Variants in REEP3 observed in about 807,000 individuals in gnomAD.
REEP3 encodes the protein receptor expression-enhancing protein 3.
REEP3 carries 20 observed loss-of-function variants against 41.3 expected under a neutral mutation model. The observed-to-expected ratio is 0.48, with a 90% confidence interval of 0.34 to 0.70. The LOEUF (loss-of-function observed/expected upper bound fraction) is 0.70. Ranked by LOEUF, REEP3 falls within the 30% of genes least tolerant of loss-of-function variation. REEP3 has a pLI of 0.01. For missense variants in REEP3, 271 were observed against 308.8 expected, an observed-to-expected ratio of 0.88 and a Z score of 0.92; for synonymous variants, 104 against 101.8, an observed-to-expected ratio of 1.02 and a Z score of -0.13.
chr10:63,600,387 T>G (rs1387118167), intron 5 of REEP3, among the ~76,000 whole-genome samples: 3 of 152,210 alleles, frequency 2.0e-5, no homozygotes, highest in Admixed American at 6.5e-5. Flanking sequence ...GCACTATACA[T>G]GTAAGATAAC....
chr10:63,532,653 C>CA (rs538797348), intron 1 of REEP3, among the ~76,000 whole-genome samples: 6,120 of 119,070 alleles, frequency 0.051, 324 homozygotes, highest in East Asian at 0.31. Flanking sequence ...GAGACTCCGT[C>CA]AAAAAAAAAA....
At chr10:63,547,428 T>C (rs1955589790) in intron 1 of REEP3, among the ~76,000 whole-genome samples, 1 of 152,012 alleles carries the variant, frequency 6.6e-6, no homozygotes, top group African/African-American at 2.4e-5. Context: ...ATTCAAAATA[T>C]ACAAAGAAAA....
chr10:63,580,465 A>T (rs531252764), intron 2 of REEP3, among the ~76,000 whole-genome samples: 9 of 152,178 alleles, frequency 5.9e-5, no homozygotes, highest in Non-Finnish European at 1.2e-4. Flanking sequence ...TATTTTGAAA[A>T]GGAAGGAAGA....
intron 6 of REEP3, 43 bp from the exon 7 acceptor site, chr10:63,619,612 G>A (rs1006485841): frequency 1.3e-6 from 2 of 1,560,922 alleles, no homozygotes; most frequent in African/African-American, 2.7e-5. Context: ...GCGCTGACTG[G>A]TGTCCTTTTA....
Position 63,610,256 on chromosome 10 carries a change from G to A in REEP3, c.487G>A (p.Glu163Lys), listed in dbSNP as rs1956267297. The change falls in exon 6 of 8, where the codon GAG becomes AAG. Residue 163 changes from glutamate (E) to lysine (K), a missense_variant. By Grantham distance (56) the Glu-to-Lys change is moderately conservative (BLOSUM62 1). Coordinates refer to ENST00000373758, the MANE Select transcript of REEP3 (RefSeq NM_001001330.3). ...MHDLTTIQGDEPVGQRPYQPL... is the reference protein window; with the variant it reads ...MHDLTTIQGDKPVGQRPYQPL... The stretch of plus-strand genomic sequence containing the variant: ...TGATTTAACAACTATCCAAGGTGAT[G>A]AGCCTGTGGGACAAAGACCATACCA... The A allele has an allele frequency of 3.1e-6, 5 of 1,596,936 alleles. No individual in the cohort carries two copies. The highest frequency in any genetic ancestry group is 4.3e-6 in the Non-Finnish European group (5 of 1,170,598).
chr10:63,599,410 A>G (rs910431798), intron 5 of REEP3, 127 bp downstream of exon 5: 2 of 458,026 alleles, frequency 4.4e-6, no homozygotes, highest in Non-Finnish European at 7.4e-6. Flanking sequence ...CTGGAAAACA[A>G]GTAAATAATT....
chr10:63,620,552 T>C (rs1956345856), intron 7 of REEP3, among the ~76,000 whole-genome samples: 1 of 151,148 alleles, frequency 6.6e-6, no homozygotes, highest in Admixed American at 6.6e-5. Flanking sequence ...TCAATGTTCA[T>C]TGACATTGTA....
At chr10:63,611,176 G>A (rs557279344) in intron 6 of REEP3, among the ~76,000 whole-genome samples, 7 of 152,148 alleles carry the variant, frequency 4.6e-5, no homozygotes, top group Non-Finnish European at 1.0e-4. Flanking sequence ...TGTAGGTGTG[G>A]TTACCAACAC....
intron 1 of REEP3, among the ~76,000 whole-genome samples, chr10:63,522,771 T>C (rs778034586): frequency 1.3e-5 from 2 of 152,236 alleles, no homozygotes; most frequent in African/African-American, 2.4e-5. Context: ...TTTCATTTGA[T>C]TAAATCGCAA....
intron 1 of REEP3, among the ~76,000 whole-genome samples, chr10:63,527,589 G>T (rs1955377968): frequency 6.6e-6 from 1 of 152,134 alleles, no homozygotes; most frequent in East Asian, 1.9e-4. Context: ...GCTGAAGTGG[G>T]AGAATCACTT....
intron 6 of REEP3, among the ~76,000 whole-genome samples, chr10:63,612,674 C>A (rs1338984544): frequency 2.0e-5 from 3 of 151,836 alleles, no homozygotes; most frequent in African/African-American, 4.8e-5. Context: ...GCCTGCATTC[C>A]CAGCTACCCA....
At chr10:63,538,237 A>G (rs576214390) in intron 1 of REEP3, among the ~76,000 whole-genome samples, 1 of 152,308 alleles carries the variant, frequency 6.6e-6, no homozygotes, top group South Asian at 2.1e-4. Flanking sequence ...ACATTGCTTG[A>G]AACTCCCTAA....
intron 2 of REEP3, among the ~76,000 whole-genome samples, chr10:63,582,163 A>G (rs1955960945): frequency 6.6e-6 from 1 of 152,242 alleles, no homozygotes; most frequent in Admixed American, 6.5e-5. Context: ...CTGATTTAAT[A>G]GTTCTGGCCT....
chr10:63,590,014 G>A (rs1589878832), intron 2 of REEP3, among the ~76,000 whole-genome samples: 1 of 151,668 alleles, frequency 6.6e-6, no homozygotes, highest in South Asian at 2.1e-4. Context: ...AGGCTGGTCT[G>A]GAACTCCTGA....
chr10:63,528,699 C>T (rs946161292), intron 1 of REEP3, among the ~76,000 whole-genome samples: 1 of 152,126 alleles, frequency 6.6e-6, no homozygotes, highest in Non-Finnish European at 1.5e-5. Context: ...TCTACCTGCC[C>T]GCTGCCATTA....
chr10:63,575,296 A>G (rs1453275492), intron 2 of REEP3, among the ~76,000 whole-genome samples: 1 of 152,124 alleles, frequency 6.6e-6, no homozygotes, highest in East Asian at 1.9e-4. Flanking sequence ...TTTTCTCCCC[A>G]TTCAGGAAGC....
At chr10:63,539,895 A>G (rs1955513147) in intron 1 of REEP3, among the ~76,000 whole-genome samples, 1 of 152,202 alleles carries the variant, frequency 6.6e-6, no homozygotes, top group Non-Finnish European at 1.5e-5. Flanking sequence ...AGAGGATATG[A>G]GAGAAAACCT....
At chr10:63,566,872 A>C (rs1360223292) in intron 2 of REEP3, among the ~76,000 whole-genome samples, 1 of 152,148 alleles carries the variant, frequency 6.6e-6, no homozygotes, top group Admixed American at 6.5e-5. Flanking sequence ...TTCTTGAATC[A>C]GACTCCATTT....
chr10:63,549,242 T>C (rs1040537332), intron 1 of REEP3, among the ~76,000 whole-genome samples: 3 of 152,180 alleles, frequency 2.0e-5, no homozygotes, highest in African/African-American at 7.2e-5. Flanking sequence ...ATTTATTCCA[T>C]AGAAGGCAGA....
Sources: gnomAD v4.1 joint callset for allele counts (sites outside exome capture counted in the v4.1 genomes callset) on GRCh38, gnomAD v4.1.1 for gene constraint, MANE v1.5 for transcripts, NCBI Gene and HGNC (gene_info 2026-07-23, HGNC 2026-07-21) for gene names.